The following DENND1C variants were observed in gnomAD, a reference collection of about 807,000 sequenced individuals.
The protein encoded by DENND1C is DENN domain-containing protein 1C.
A neutral mutation model predicts 87.9 loss-of-function variants in DENND1C; 64 were observed. The ratio of observed to expected loss-of-function variants is 0.73; its 90% CI spans 0.60 to 0.90. DENND1C has a LOEUF of 0.90. DENND1C is among the 40% of genes least tolerant of loss of function. The pLI is 0.00. For synonymous variants in DENND1C, 384 were observed against 424.4 expected, an observed-to-expected ratio of 0.90 and a Z score of 1.17; for missense variants, 980 against 1,037.0, an observed-to-expected ratio of 0.95 and a Z score of 0.76.
At chr19:6,471,236 C>T (rs1168628968) in intron 17 of DENND1C, 29 bp downstream of exon 17, 1 of 1,567,732 alleles carries the variant, frequency 6.4e-7, no homozygotes, top group Admixed American at 1.9e-5. Flanking sequence ...TAAGCCAACG[C>T]CCACGGCCTA....
At position 6,479,204 on chromosome 19, in the gene DENND1C, CCTGGGTCCCTGAATCT is replaced by C. The variant is rs2092882182; in HGVS notation, c.177-164_177-149del. 9 of 1,156,728 alleles carry C rather than the reference CCTGGGTCCCTGAATCT, an allele frequency of 7.8e-6. No individual in the cohort carries two copies. In the African/African-American group the frequency reaches 1.4e-4, roughly 18 times the overall value. The allele number at this position is 1,156,728 out of a possible 1,614,324, so 71.7% of individuals were successfully genotyped here. On this transcript the variant is annotated intron_variant, in intron 4 of 22. Transcript: ENST00000381480. ...GTCTGGATCCCTGGGTCTCAGAATC[CCTGGGTCCCTGAATCT>C]CTGGGTCCCTGGATCTCTGGGTCCC...
At chr19:6,475,975 A>T in intron 10 of DENND1C, 38 bp from the exon 11 acceptor site, 8 of 1,505,114 alleles carry the variant, frequency 5.3e-6, no homozygotes, top group Non-Finnish European at 7.1e-6. Context: ...CAGGGCCTGG[A>T]CCCTCTAGCG....
intron 4 of DENND1C, among the ~76,000 whole-genome samples, 154 bp downstream of exon 4, chr19:6,479,515 C>T (rs923510016): frequency 4.0e-5 from 6 of 151,660 alleles, no homozygotes; most frequent in African/African-American, 1.5e-4. Flanking sequence ...TATATAGGTC[C>T]CTAGTTCTCA....
In DENND1C at chr19:6,479,019, C is replaced by T. The variant is rs755835446; in HGVS notation, c.214G>A (p.Ala72Thr). The T allele has an allele frequency of 5.6e-6, 9 of 1,613,726 alleles. No individual in the cohort carries two copies. The highest frequency in any genetic ancestry group is 4.0e-5 in the African/African-American group (3 of 74,878). The change falls in exon 5 of 23, where the codon GCC (alanine) becomes ACC (threonine). Residue 72 changes from alanine (A) to threonine (T), a missense_variant. Transcript: ENST00000381480. Reference sequence around the variant, plus strand: ...CGGTTGCCGGCAAGGTCTGTGAGGGCGAAGGTGAAATGCTGCACGGCGGGG... The same window carrying T: ...CGGTTGCCGGCAAGGTCTGTGAGGGTGAAGGTGAAATGCTGCACGGCGGGG... ...PSPAVQHFTF[A>T]LTDLAGNRRF...
chr19:6,473,067 A>G, intron 14 of DENND1C, 74 bp from the exon 15 acceptor site: 1 of 1,155,510 alleles, frequency 8.7e-7, no homozygotes. Flanking sequence ...ATATTTATGT[A>G]GCAAACATTG....
At chr19:6,477,190 C>CG (rs2092866629) in intron 8 of DENND1C, 28 bp downstream of exon 8, 1 of 1,590,376 alleles carries the variant, frequency 6.3e-7, no homozygotes, top group African/African-American at 1.4e-5. Context: ...GGACCCCCGA[C>CG]CTTCCAGGGT....
Position 6,468,016 on chromosome 19 carries a change from T to A in DENND1C, c.1894A>T (p.Thr632Ser). Reference sequence around the variant, plus strand: ...GACCTGGAGTCCTTTGAAGAGCTGGTGGCATCCAAAGACGAGGCATTTTGC... The same window carrying A: ...GACCTGGAGTCCTTTGAAGAGCTGGAGGCATCCAAAGACGAGGCATTTTGC... ...SLQNASSLDA[T>S]SSSKDSRSQL... The change falls in exon 23 of 23, where the codon ACC becomes TCC. Residue 632 changes from threonine (T) to serine (S), a missense_variant. By Grantham distance (58) the Thr-to-Ser change is moderately conservative (BLOSUM62 1). Transcript: ENST00000381480. 2.5e-6 allele frequency: 4 copies of A among 1,613,836 alleles called. No individual in the cohort carries two copies. Among genetic ancestry groups the A allele is most frequent in the Non-Finnish European group, 3.4e-6 (4 of 1,179,836 alleles).
intron 17 of DENND1C, 95 bp from the exon 18 acceptor site, chr19:6,470,461 C>A (rs965401373): frequency 7.2e-6 from 9 of 1,254,672 alleles, no homozygotes; most frequent in East Asian, 2.5e-5. Flanking sequence ...CTTTCCCTCT[C>A]TGAGTCTCCA....
intron 18 of DENND1C, 129 bp from the exon 19 acceptor site, chr19:6,469,769 C>T (rs182264440): frequency 6.2e-4 from 538 of 861,244 alleles, no homozygotes; most frequent in Admixed American, 3.6e-3. Flanking sequence ...TCACCACCCC[C>T]CATACACCAC....
intron 1 of DENND1C, chr19:6,480,434 C>A: frequency 9.2e-7 from 1 of 1,088,718 alleles, no homozygotes; most frequent in South Asian, 3.0e-5. Flanking sequence ...CCGTGCAGTC[C>A]CAAGCTAAGT....
intron 10 of DENND1C, chr19:6,476,383 A>T (rs1463305009): frequency 5.5e-6 from 1 of 180,350 alleles, no homozygotes; most frequent in Non-Finnish European, 1.2e-5. Flanking sequence ...GCCAGTCTCC[A>T]CGTCTGCCTT....
At chr19:6,479,288 G>T (rs1313612574) in intron 4 of DENND1C, among the ~76,000 whole-genome samples, 75 of 143,388 alleles carry the variant, frequency 5.2e-4, no homozygotes, top group African/African-American at 2.1e-3. Context: ...TGGATCTCTG[G>T]GTCCTTGAAT....
rs2092805679 is a variant in DENND1C, at chr19:6,468,040, G to A, written c.1870C>T (p.Gln624Ter). 6.2e-7 allele frequency: 1 copy of A among 1,613,936 alleles called. No individual in the cohort carries two copies. Among genetic ancestry groups the A allele is most frequent in the Non-Finnish European group, 8.5e-7 (1 of 1,179,854 alleles). ...GTGGCATCCAAAGACGAGGCATTTT[G>A]CAGGGATGGCAGGGAAAGGGGCTGG... ...EPQPLSLPSL[Q>*]NASSLDATSS... Residue 624 changes from glutamine to a stop codon, truncating the protein, a stop_gained, in exon 23 of 23, where the codon CAA (glutamine) becomes TAA (stop). Transcript: ENST00000381480. LOFTEE classifies it low-confidence loss of function (END_TRUNC).
chr19:6,479,720 T>C lies in DENND1C; in HGVS notation c.127-2A>G. 1.2e-6 allele frequency: 2 copies of C among 1,613,854 alleles called. No homozygotes were observed. Among genetic ancestry groups the C allele is most frequent in the Non-Finnish European group, 1.7e-6 (2 of 1,179,842 alleles). On this transcript the variant is annotated splice_acceptor_variant, in intron 3 of 22. Coordinates refer to ENST00000381480, the MANE Select transcript of DENND1C (RefSeq NM_024898.4). LOFTEE classifies it high-confidence loss of function. Reference sequence around the variant, plus strand: ...TTTAGGCACCATCTGCATAGCTTCCTGGAGGTGAAGAAAAGCGCAGACTGC... The same window carrying C: ...TTTAGGCACCATCTGCATAGCTTCCCGGAGGTGAAGAAAAGCGCAGACTGC...
chr19:6,477,304 T>A (rs369275789), intron 7 of DENND1C, 21 bp from the exon 8 acceptor site: 37 of 1,602,890 alleles, frequency 2.3e-5, no homozygotes, highest in Non-Finnish European at 3.2e-5. Context: ...GGCACGACTC[T>A]GTGGTCATGA....
rs553931977 is a variant in DENND1C at position 6,468,288 on chromosome 19, C to G, written c.1737G>C (p.Pro579=). 6.2e-7 allele frequency: 1 copy of G among 1,613,660 alleles called. No individual in the cohort carries two copies. Among genetic ancestry groups the G allele is most frequent in the Admixed American group, 1.7e-5 (1 of 59,966 alleles). The change falls in exon 22 of 23, where the codon CCG becomes CCC. Residue 579 remains proline (P), a synonymous_variant. Coordinates refer to ENST00000381480, the MANE Select transcript of DENND1C (RefSeq NM_024898.4). ...TGTGACAGCAGTCTAAACTCTGGCT[C>G]GGTCTCAGGCTGCCTGCGCTCTTGG... ...MGAKSAGSLR[P]SQSLDCCHRG... is the part of the protein sequence containing the mutation.
chr19:6,476,724 G>A, intron 10 of DENND1C, 133 bp downstream of exon 10: 1 of 913,590 alleles, frequency 1.1e-6, no homozygotes, highest in Non-Finnish European at 1.6e-6. Flanking sequence ...CAAGACCTTC[G>A]AAGGGGCGGG....
rs775272481 is a variant in DENND1C, at chr19:6,475,386, C to G, written c.941G>C (p.Arg314Thr). ...CAGGGCGACCTTCCTGAGCCGGAGC[C>G]TCAGCAGGGACACCTGAAGCACAAG... ...ALPPDVVSLL[R>T]LRLRKVALAP... The change falls in exon 14 of 23, where the codon AGG becomes ACG. Residue 314 changes from arginine to threonine, a missense_variant. By Grantham distance (71) the Arg-to-Thr change is moderately conservative (BLOSUM62 -1). Coordinates refer to ENST00000381480, the MANE Select transcript of DENND1C (RefSeq NM_024898.4). 5.0e-5 allele frequency: 80 copies of G among 1,611,544 alleles called. No homozygotes were observed. The highest frequency in any genetic ancestry group is 6.4e-5 in the Non-Finnish European group (75 of 1,178,484).
At chr19:6,468,522 C>A in intron 21 of DENND1C, 56 bp downstream of exon 21, 2 of 1,558,366 alleles carry the variant, frequency 1.3e-6, no homozygotes, top group South Asian at 2.4e-5. Flanking sequence ...GGGAACCCTC[C>A]TCCCCATCAG....
Sources: gnomAD v4.1 joint callset for allele counts (sites outside exome capture counted in the v4.1 genomes callset) on GRCh38, gnomAD v4.1.1 for gene constraint, MANE v1.5 for transcripts, NCBI Gene and HGNC (gene_info 2026-07-23, HGNC 2026-07-21) for gene names.